The following KHDRBS2 variants were observed in gnomAD, a reference collection of about 807,000 sequenced individuals.
The protein encoded by KHDRBS2 is KH domain-containing, RNA-binding, signal transduction-associated protein 2.
KHDRBS2 carries 26 observed loss-of-function variants against 44.3 expected under a neutral mutation model. That is an observed-to-expected ratio of 0.59 (90% CI 0.43 to 0.81). The LOEUF is 0.81. Ranked by LOEUF, KHDRBS2 falls within the 40% of genes least tolerant of loss-of-function variation. The pLI, the probability that KHDRBS2 is intolerant of heterozygous loss-of-function variation, is 0.00. For missense variants in KHDRBS2, 476 were observed against 433.1 expected (o/e 1.10, Z -0.88); for synonymous variants, 194 against 151.1 (o/e 1.28, Z -2.08).
At chr6:62,198,726 A>T (rs903787798) in intron 1 of KHDRBS2, among the ~76,000 whole-genome samples, 1 of 152,206 alleles carries the variant, frequency 6.6e-6, no homozygotes, top group South Asian at 2.1e-4. Context: ...ATCCTCCCTA[A>T]CTCATTTTAT....
At chr6:61,725,096 C>G (rs1430689115) in intron 7 of KHDRBS2, among the ~76,000 whole-genome samples, 2 of 152,028 alleles carry the variant, frequency 1.3e-5, no homozygotes, top group Non-Finnish European at 2.9e-5. Context: ...GAACTGAAAT[C>G]ATAACAGTGT....
chr6:61,660,661 ATT>A, the KHDRBS2 span, among the ~76,000 whole-genome samples: 1 of 151,724 alleles, frequency 6.6e-6, no homozygotes, highest in Non-Finnish European at 1.5e-5. Flanking sequence ...GGAACAAATA[ATT>A]ATAGTCCTAT....
intron 6 of KHDRBS2, among the ~76,000 whole-genome samples, chr6:61,859,374 A>G (rs1384206637): frequency 2.0e-5 from 3 of 151,984 alleles, no homozygotes; most frequent in Admixed American, 1.3e-4. Flanking sequence ...AATCACTTTT[A>G]GGGTGACACA....
chr6:61,937,463 G>T (rs1177740843), intron 4 of KHDRBS2, among the ~76,000 whole-genome samples: 1 of 151,852 alleles, frequency 6.6e-6, no homozygotes, highest in Non-Finnish European at 1.5e-5. Context: ...ATTTCCTCAT[G>T]TGTTTTGTAA....
intron 6 of KHDRBS2, chr6:61,816,659 G>A (rs778085267): frequency 4.8e-5 from 21 of 441,242 alleles, no homozygotes; most frequent in East Asian, 2.1e-4. Flanking sequence ...AAATACAAGC[G>A]TTATCTGTTT....
the KHDRBS2 span, among the ~76,000 whole-genome samples, chr6:61,666,654 C>A: frequency 4.0e-5 from 6 of 151,386 alleles, no homozygotes; most frequent in African/African-American, 1.4e-4. Context: ...ATAGAGTAAG[C>A]CTAAGACTTT....
chr6:62,183,118 A>C (rs1822684445), intron 1 of KHDRBS2, among the ~76,000 whole-genome samples: 1 of 151,836 alleles, frequency 6.6e-6, no homozygotes, highest in African/African-American at 2.4e-5. Flanking sequence ...TATAAAATTA[A>C]CATATTAAGA....
chr6:62,095,307 C>T (rs1056833587), intron 2 of KHDRBS2, among the ~76,000 whole-genome samples: 2 of 151,800 alleles, frequency 1.3e-5, no homozygotes, highest in Non-Finnish European at 3.0e-5. Context: ...ATGAAATTCT[C>T]ATCAATGAAA....
intron 1 of KHDRBS2, among the ~76,000 whole-genome samples, chr6:62,181,356 C>T (rs561206442): frequency 9.2e-5 from 14 of 151,876 alleles, no homozygotes; most frequent in South Asian, 2.1e-4. Flanking sequence ...TAGCAAGAAA[C>T]CAAATAATGA....
rs188040544 is a variant in KHDRBS2 at position 62,071,217 on chromosome 6, A to C, written c.220-23223T>G. Among the ~76,000 whole-genome samples the C allele has an allele frequency of 3.9e-3, 588 of 151,626 alleles. 2 individuals are homozygous for C. Among genetic ancestry groups the C allele is most frequent in the African/African-American group, 0.014 (567 of 41,356 alleles). On this transcript the variant is annotated intron_variant, in intron 2 of 8. Coordinates refer to ENST00000281156, the MANE Select transcript of KHDRBS2 (RefSeq NM_152688.4). ...TTTTTTTCTTGTAAATTTGTTTGAG[A>C]TCATTGTAGATTCTGGATATTAGCC...
intron 4 of KHDRBS2, among the ~76,000 whole-genome samples, chr6:61,925,431 T>C (rs1343156271): frequency 4.6e-5 from 7 of 152,134 alleles, no homozygotes; most frequent in Admixed American, 3.9e-4. Flanking sequence ...CAATTTATAG[T>C]TTGGTCAGGC....
chr6:61,902,773 T>G (rs569102712), intron 4 of KHDRBS2, among the ~76,000 whole-genome samples: 1 of 152,144 alleles, frequency 6.6e-6, no homozygotes, highest in Non-Finnish European at 1.5e-5. Context: ...CCAAACGATG[T>G]CAACGTAGCT....
chr6:61,848,576 CATATATATAT>C (rs767893776), intron 6 of KHDRBS2, among the ~76,000 whole-genome samples: 1 of 30,034 alleles, frequency 3.3e-5, no homozygotes, highest in Non-Finnish European at 6.3e-5. Flanking sequence ...TATATATATA[CATATATATAT>C]ATATATACTT....
Position 61,945,137 on chromosome 6 carries a change from A to ATATATATG in KHDRBS2, c.483+32928_483+32929insCATATATA, listed in dbSNP as rs1813074875. 3.8e-5 allele frequency among the ~76,000 whole-genome samples: 4 copies of ATATATATG among 104,596 alleles called. No individual in the cohort carries two copies. In the South Asian group the frequency reaches 9.5e-4, roughly 25 times the overall value. 68.6% of individuals were successfully genotyped at this position (104,596 alleles called of 152,430 possible). A position where few individuals can be genotyped will look rare whatever the true frequency, so the allele number is the denominator to read the frequency against. Reference sequence around the variant, plus strand: ...AGTATATATATATATATATATATATATATATATATATATACACACAGACTT... The same window carrying ATATATATG: ...AGTATATATATATATATATATATATATATATATGTATATATATATATACACACAGACTT... On this transcript the variant is annotated intron_variant, in intron 4 of 8. Transcript: ENST00000281156.
At chr6:61,769,488 T>TA (rs1309296642) in intron 6 of KHDRBS2, among the ~76,000 whole-genome samples, 3 of 152,138 alleles carry the variant, frequency 2.0e-5, no homozygotes, top group Non-Finnish European at 4.4e-5. Flanking sequence ...CCAAAGGGCT[T>TA]AAAAAACGGC....
intron 3 of KHDRBS2, among the ~76,000 whole-genome samples, chr6:62,011,667 T>C (rs1780313574): frequency 6.6e-6 from 1 of 152,204 alleles, no homozygotes; most frequent in African/African-American, 2.4e-5. Context: ...CTTCCTTATT[T>C]CTAAGGTCTT....
At chr6:61,633,909 G>A in the KHDRBS2 span, among the ~76,000 whole-genome samples, 39 of 152,036 alleles carry the variant, frequency 2.6e-4, 1 homozygote, top group Admixed American at 7.9e-4. Context: ...TATCATTTAA[G>A]TTTTATAAAG....
chr6:62,276,481 C>A (rs1379082196), intron 1 of KHDRBS2, among the ~76,000 whole-genome samples: 40 of 152,102 alleles, frequency 2.6e-4, no homozygotes, highest in Admixed American at 2.6e-3. Flanking sequence ...CAAAATTATC[C>A]AATCACTTTT....
intron 6 of KHDRBS2, among the ~76,000 whole-genome samples, chr6:61,777,148 G>C (rs1169181715): frequency 6.6e-6 from 1 of 151,506 alleles, no homozygotes; most frequent in African/African-American, 2.4e-5. Flanking sequence ...GGGGGTGGGG[G>C]AAGGGGGGAC....
Sources: gnomAD v4.1 joint callset for allele counts (sites outside exome capture counted in the v4.1 genomes callset) on GRCh38, gnomAD v4.1.1 for gene constraint, MANE v1.5 for transcripts, NCBI Gene and HGNC (gene_info 2026-07-23, HGNC 2026-07-21) for gene names.